G3BP2: variants seen among roughly 807,000 people sequenced by gnomAD.
The protein encoded by G3BP2 is G3BP stress granule assembly factor 2.
In G3BP2, 11 loss-of-function variants were observed where a neutral mutation model predicts 56.7. The ratio of observed to expected loss-of-function variants is 0.19; its 90% confidence interval spans 0.12 to 0.32. G3BP2 has a LOEUF of 0.32. G3BP2 is among the 10% of genes least tolerant of loss of function. The pLI is 1.00. For synonymous variants in G3BP2, 165 were observed against 191.6 expected (o/e 0.86, Z 1.15); for missense variants, 340 against 610.9 (o/e 0.56, Z 4.67).
At chr4:75,709,434 A>C (rs1268716170) in intron 3 of G3BP2, among the ~76,000 whole-genome samples, 4 of 150,644 alleles carry the variant, frequency 2.7e-5, no homozygotes, top group Non-Finnish European at 4.4e-5. Flanking sequence ...AAAAAAAAAA[A>C]AAAAAAAACC....
chr4:75,720,272 T>C (rs1328437890), intron 3 of G3BP2, among the ~76,000 whole-genome samples: 1 of 148,216 alleles, frequency 6.7e-6, no homozygotes, highest in African/African-American at 2.5e-5. Context: ...CCCAGCACTC[T>C]GGGAGGCCGA....
Position 75,697,273 on chromosome 4 carries a change from C to CAAAAAAAAAAAAAAAAAAAAAA in G3BP2, c.-25+23582_-25+23603dup, listed in dbSNP as rs869037819. Among the ~76,000 whole-genome samples the CAAAAAAAAAAAAAAAAAAAAAA allele has an allele frequency of 5.2e-4, 15 of 28,828 alleles. 1 individual carries two copies. The highest frequency in any genetic ancestry group is 9.6e-4 in the African/African-American group (7 of 7,278). The allele number at this position is 28,828 out of a possible 152,430, so 18.9% of individuals were successfully genotyped here. On this transcript the variant is annotated intron_variant, in intron 3 of 3. Coordinates refer to the G3BP2 transcript ENST00000499709. ...TGGCTGACAGAGCGAGACTCTGTCT[C>CAAAAAAAAAAAAAAAAAAAAAA]AAAAAAAAAAAAAAAAAAAAAAAAA...
At chr4:75,656,132 AG>A (rs1332303299) in intron 5 of G3BP2, among the ~76,000 whole-genome samples, 1 of 151,428 alleles carries the variant, frequency 6.6e-6, no homozygotes, top group African/African-American at 2.4e-5. Flanking sequence ...CTGGGGTTAT[AG>A]GTATGCACCA....
In G3BP2 at chr4:75,643,373, A is replaced by T. The variant is rs1731002820; in HGVS notation, c.*2057T>A. The T allele has an allele frequency of 6.8e-6, 1 of 147,874 alleles. No individual in the cohort carries two copies. Among genetic ancestry groups the T allele is most frequent in the Admixed American group, 6.7e-5 (1 of 14,870 alleles). 9.2% of individuals were successfully genotyped at this position (147,874 alleles called of 1,614,324 possible). A position where few individuals can be genotyped will look rare whatever the true frequency, so the allele number is the denominator to read the frequency against. On this transcript the variant is annotated 3_prime_UTR_variant, in exon 12 of 12. Transcript: ENST00000359707. ...GGAAAAAAAACATTGACAATAAAAC[A>T]ACTGCTTCTTTAAAAGTAGTATTAA...
intron 3 of G3BP2, among the ~76,000 whole-genome samples, chr4:75,693,116 C>T (rs563313047): frequency 2.3e-4 from 35 of 152,198 alleles, no homozygotes; most frequent in African/African-American, 7.7e-4. Context: ...TGGTGGTACA[C>T]GCCTGTAGTC....
At chr4:75,662,299 T>C (rs1056389823) in intron 1 of G3BP2, 21 of 241,954 alleles carry the variant, frequency 8.7e-5, no homozygotes, top group Non-Finnish European at 8.0e-5. Context: ...CTCAGCTCAC[T>C]GCAACCTCCG....
chr4:75,698,284 A>ACAT (rs1719205168), intron 3 of G3BP2, among the ~76,000 whole-genome samples: 1 of 152,188 alleles, frequency 6.6e-6, no homozygotes, highest in African/African-American at 2.4e-5. Flanking sequence ...AGATATAATG[A>ACAT]CATCATGTTG....
chr4:75,662,166 G>T, intron 1 of G3BP2, 117 bp from the exon 2 acceptor site: 1 of 604,326 alleles, frequency 1.7e-6, no homozygotes, highest in Non-Finnish European at 3.0e-6. Flanking sequence ...CAATTTTAGT[G>T]ACACTAATGT....
chr4:75,644,109 G>A lies in G3BP2; in HGVS notation c.*1321C>T, dbSNP rs1467704711. ...TTAAAGAGCTGCTGTTCTTTTCTCC[G>A]AAAATTGCAGTATCCTCACTTCAGG... is the stretch of plus-strand genomic sequence containing the variant. On this transcript the variant is annotated 3_prime_UTR_variant, in exon 12 of 12. Transcript: ENST00000359707. The A allele has an allele frequency of 2.0e-5, 3 of 152,544 alleles. No homozygotes were observed. The highest frequency in any genetic ancestry group is 6.6e-5 in the Admixed American group (1 of 15,264). The allele number at this position is 152,544 out of a possible 1,614,324, so 9.4% of individuals were successfully genotyped here. A position where few individuals can be genotyped will look rare whatever the true frequency, so the allele number is the denominator to read the frequency against.
intron 3 of G3BP2, among the ~76,000 whole-genome samples, chr4:75,696,450 C>A (rs540614728): frequency 1.3e-5 from 2 of 152,312 alleles, no homozygotes; most frequent in Admixed American, 1.3e-4. Flanking sequence ...AAGCCAGCGG[C>A]TCCCTAATGC....
At chr4:75,665,503 TG>T (rs1490733251) in intron 1 of G3BP2, among the ~76,000 whole-genome samples, 1 of 152,168 alleles carries the variant, frequency 6.6e-6, no homozygotes, top group Admixed American at 6.5e-5. Context: ...CCCAGCACTT[TG>T]GGACGTCGAA....
chr4:75,648,264 T>C (rs1203528117), intron 9 of G3BP2, among the ~76,000 whole-genome samples: 1 of 151,200 alleles, frequency 6.6e-6, no homozygotes, highest in Non-Finnish European at 1.5e-5. Context: ...AAGGGAATCA[T>C]TTGAACCCGG....
At chr4:75,693,599 G>T (rs1718967481) in intron 3 of G3BP2, among the ~76,000 whole-genome samples, 1 of 152,024 alleles carries the variant, frequency 6.6e-6, no homozygotes, top group Admixed American at 6.6e-5. Flanking sequence ...GACCAGCCTG[G>T]CCAAGTTGGT....
chr4:75,658,624 G>A (rs1390545736), intron 3 of G3BP2, among the ~76,000 whole-genome samples: 1 of 151,886 alleles, frequency 6.6e-6, no homozygotes, highest in Admixed American at 6.6e-5. Context: ...CTACTTGGGA[G>A]GCTGAGGCAG....
intron 3 of G3BP2, among the ~76,000 whole-genome samples, chr4:75,720,864 A>T (rs1720143527): frequency 6.7e-6 from 1 of 148,546 alleles, no homozygotes; most frequent in Non-Finnish European, 1.5e-5. Flanking sequence ...AGCCTGGGGC[A>T]GTTGGCTCAC....
chr4:75,662,346 C>T (rs184496015), intron 1 of G3BP2: 20 of 194,274 alleles, frequency 1.0e-4, no homozygotes, highest in Admixed American at 7.7e-4. Flanking sequence ...CCTCAGCCTC[C>T]CGAGTAGCTG....
intron 3 of G3BP2, among the ~76,000 whole-genome samples, chr4:75,686,767 A>T (rs756149670): frequency 5.9e-5 from 9 of 152,206 alleles, no homozygotes; most frequent in Admixed American, 2.6e-4. Context: ...AAAAAAATAA[A>T]ATACATTCTA....
chr4:75,658,747 A>C, intron 3 of G3BP2, 96 bp downstream of exon 3: 1 of 811,654 alleles, frequency 1.2e-6, no homozygotes, highest in Non-Finnish European at 2.1e-6. Context: ...AGAGAAAGAA[A>C]GAAAGAAAAA....
chr4:75,677,558 G>A (rs374984542), upstream of G3BP2, among the ~76,000 whole-genome samples: 1 of 151,454 alleles, frequency 6.6e-6, no homozygotes, highest in Non-Finnish European at 1.5e-5. Context: ...GCAACAGAGC[G>A]AGACTCTGTC....
Sources: allele counts gnomAD v4.1 joint callset (sites outside exome capture counted in the v4.1 genomes callset), GRCh38; gene constraint gnomAD v4.1.1; transcripts MANE v1.5; gene names NCBI Gene and HGNC (gene_info 2026-07-23, HGNC 2026-07-21).